SPMIP2: variants seen among roughly 807,000 people sequenced by gnomAD.
The protein encoded by SPMIP2 is protein SPMIP2.
At chr4:158,940,403 A>T in the SPMIP2 span, among the ~76,000 whole-genome samples, 1 of 152,168 alleles carries the variant, frequency 6.6e-6, no homozygotes, top group Non-Finnish European at 1.5e-5. Flanking sequence ...CAAGGAAACA[A>T]TTCATCTTGG....
At chr4:158,910,365 C>T in the SPMIP2 span, among the ~76,000 whole-genome samples, 11 of 151,898 alleles carry the variant, frequency 7.2e-5, no homozygotes, top group Non-Finnish European at 1.5e-4. Flanking sequence ...CCTCTGCCTC[C>T]CGGGTTCAGG....
chr4:158,916,360 C>T, the SPMIP2 span, among the ~76,000 whole-genome samples: 1 of 152,044 alleles, frequency 6.6e-6, no homozygotes, highest in Admixed American at 6.6e-5. Context: ...CAAGAGAGGA[C>T]GAGGTAATGT....
chr4:159,056,690 ATCT>A, the SPMIP2 span, among the ~76,000 whole-genome samples: 13 of 152,290 alleles, frequency 8.5e-5, no homozygotes, highest in East Asian at 2.5e-3. Flanking sequence ...TCCTATGTAG[ATCT>A]TCTATAGGAT....
the SPMIP2 span, among the ~76,000 whole-genome samples, chr4:158,916,701 TGA>T: frequency 6.6e-6 from 1 of 152,194 alleles, no homozygotes; most frequent in Non-Finnish European, 1.5e-5. Flanking sequence ...TGGAGTGCAA[TGA>T]CACGATCTCT....
At chr4:158,902,836 C>T in the SPMIP2 span, among the ~76,000 whole-genome samples, 1 of 152,172 alleles carries the variant, frequency 6.6e-6, no homozygotes, top group African/African-American at 2.4e-5. Flanking sequence ...GCCCCTCCCC[C>T]AACCAACCTC....
At chr4:158,934,657 C>T in the SPMIP2 span, among the ~76,000 whole-genome samples, 1 of 152,134 alleles carries the variant, frequency 6.6e-6, no homozygotes, top group Non-Finnish European at 1.5e-5. Context: ...ACCCACCTGT[C>T]ACCCCTCAAA....
the SPMIP2 span, among the ~76,000 whole-genome samples, chr4:158,958,993 CCA>C: frequency 6.6e-6 from 1 of 152,044 alleles, no homozygotes; most frequent in East Asian, 1.9e-4. Context: ...ACATATACAC[CCA>C]GTTTCCTAGT....
chr4:159,052,149 G>T, the SPMIP2 span, among the ~76,000 whole-genome samples: 1 of 152,192 alleles, frequency 6.6e-6, no homozygotes, highest in African/African-American at 2.4e-5. Flanking sequence ...AGTACATAGA[G>T]CTAAAGCAGA....
chr4:158,985,662 C>T, the SPMIP2 span, among the ~76,000 whole-genome samples: 1 of 152,228 alleles, frequency 6.6e-6, no homozygotes, highest in East Asian at 1.9e-4. Context: ...CTATGACAAA[C>T]CCACAGCCAA....
the SPMIP2 span, among the ~76,000 whole-genome samples, chr4:159,017,704 G>A: frequency 1.3e-5 from 2 of 152,116 alleles, no homozygotes; most frequent in East Asian, 1.9e-4. Flanking sequence ...CAAATAGGCC[G>A]CTTCACAAGA....
the SPMIP2 span, among the ~76,000 whole-genome samples, chr4:159,049,843 G>T: frequency 6.6e-6 from 1 of 152,160 alleles, no homozygotes; most frequent in Non-Finnish European, 1.5e-5. Flanking sequence ...GACTTCCACA[G>T]ATGTCATAGA....
the SPMIP2 span, among the ~76,000 whole-genome samples, chr4:158,965,917 G>A: frequency 6.6e-6 from 1 of 152,260 alleles, no homozygotes; most frequent in African/African-American, 2.4e-5. Flanking sequence ...TTGTATTGAT[G>A]TTGTCAGTAC....
chr4:158,964,605 A>AT, the SPMIP2 span, among the ~76,000 whole-genome samples: 2 of 105,196 alleles, frequency 1.9e-5, no homozygotes, highest in African/African-American at 2.8e-5. Context: ...GAAAAGGAAT[A>AT]TAAAAAATTC....
the SPMIP2 span, among the ~76,000 whole-genome samples, chr4:158,984,781 T>A: frequency 1.3e-5 from 2 of 151,224 alleles, no homozygotes; most frequent in African/African-American, 4.9e-5. Context: ...ATAACTAAAA[T>A]CAGAGCAGAA....
the SPMIP2 span, among the ~76,000 whole-genome samples, chr4:159,063,897 G>A: frequency 6.6e-6 from 1 of 152,146 alleles, no homozygotes; most frequent in South Asian, 2.1e-4. Flanking sequence ...CAGGGTAAAA[G>A]GATCATGTGG....
the SPMIP2 span, among the ~76,000 whole-genome samples, chr4:159,020,432 G>A: frequency 6.6e-6 from 1 of 152,170 alleles, no homozygotes; most frequent in African/African-American, 2.4e-5. Context: ...CTTTGAAGCT[G>A]CCTTATGTTA....
chr4:158,977,550 G>C, the SPMIP2 span, among the ~76,000 whole-genome samples: 10 of 124,878 alleles, frequency 8.0e-5, no homozygotes, highest in Non-Finnish European at 1.4e-4. Flanking sequence ...ATCAGCTCCT[G>C]GATTCATTGA....
the SPMIP2 span, among the ~76,000 whole-genome samples, chr4:158,991,799 G>A: frequency 6.6e-6 from 1 of 152,164 alleles, no homozygotes. Flanking sequence ...TCTAAACAGT[G>A]AAATATGGAA....
the SPMIP2 span, among the ~76,000 whole-genome samples, chr4:158,985,526 CA>C: frequency 6.6e-6 from 1 of 152,110 alleles, no homozygotes; most frequent in East Asian, 1.9e-4. Flanking sequence ...GAACCAAAGA[CA>C]AAAACCAGAT....
Sources: gnomAD v4.1 joint callset for allele counts (sites outside exome capture counted in the v4.1 genomes callset) on GRCh38, gnomAD v4.1.1 for gene constraint, MANE v1.5 for transcripts, NCBI Gene and HGNC (gene_info 2026-07-23, HGNC 2026-07-21) for gene names.